Variants in ZNF543 observed in about 807,000 individuals in gnomAD.
The protein encoded by ZNF543 is zinc finger protein 543.
Under a neutral mutation model 13.4 loss-of-function variants are expected in ZNF543, and 10 were observed. The ratio of observed to expected loss-of-function variants is 0.75; its 90% CI spans 0.46 to 1.26. ZNF543 has a LOEUF of 1.26. ZNF543 is among the 50% of genes most tolerant of loss of function. The probability of loss-of-function intolerance (pLI) is 0.00; values close to 1 mark genes in which losing one functional copy is unlikely to be tolerated. For synonymous variants in ZNF543, 272 were observed against 264.7 expected, an observed-to-expected ratio of 1.03 and a Z score of -0.27; for missense variants, 768 against 741.2, an observed-to-expected ratio of 1.04 and a Z score of -0.42.
chr19:57,327,677 C>G (rs2088130934), intron 3 of ZNF543, 27 bp from the exon 4 acceptor site: 3 of 1,569,316 alleles, frequency 1.9e-6, no homozygotes, highest in African/African-American at 1.4e-5. Context: ...CTCTAATAAG[C>G]CTTTTTGTGT....
At chr19:57,322,892 T>C (rs1179177864) in intron 1 of ZNF543, among the ~76,000 whole-genome samples, 1 of 152,096 alleles carries the variant, frequency 6.6e-6, no homozygotes, top group African/African-American at 2.4e-5. Flanking sequence ...CAGGCTTGTG[T>C]TGATTTCAGG....
intron 1 of ZNF543, among the ~76,000 whole-genome samples, chr19:57,321,465 G>T (rs528321759): frequency 2.2e-4 from 34 of 152,354 alleles, no homozygotes; most frequent in African/African-American, 7.7e-4. Flanking sequence ...AAAGAAGCTT[G>T]CCGTTTGAGT....
rs2088157245 is a variant in ZNF543 at position 57,330,597 on chromosome 19, T to C, written c.*1332T>C. ...GCCGGCATGCATATATGTAGGGATG[T>C]GTGACTTTCACAGTTGTCACCATGG... On this transcript the variant is annotated 3_prime_UTR_variant, in exon 4 of 4. Transcript: ENST00000321545. 6.6e-6 allele frequency: 1 copy of C among 152,212 alleles called. No homozygotes were observed. Among genetic ancestry groups the C allele is most frequent in the Non-Finnish European group, 1.5e-5 (1 of 68,044 alleles). The allele number at this position is 152,212 out of a possible 1,614,324, so 9.4% of individuals were successfully genotyped here. A position where few individuals can be genotyped will look rare whatever the true frequency, so the allele number is the denominator to read the frequency against.
chr19:57,328,655 T>A lies in ZNF543; in HGVS notation c.1193T>A (p.Met398Lys). The A allele has an allele frequency of 6.2e-7, 1 of 1,613,668 alleles. No homozygotes were observed. The highest frequency in any genetic ancestry group is 8.5e-7 in the Non-Finnish European group (1 of 1,179,898). Residue 398 changes from methionine to lysine, a missense_variant, in exon 4 of 4, where the codon ATG (methionine) becomes AAG (lysine). Transcript: ENST00000321545. ...IHTGEKPYKC[M>K]ECGKAFNRRS... ...ACTGGGGAGAAGCCCTATAAGTGCA[T>A]GGAGTGTGGGAAGGCGTTCAACCGT... is the stretch of plus-strand genomic sequence containing the variant.
At chr19:57,322,785 G>T (rs1015531228) in intron 1 of ZNF543, among the ~76,000 whole-genome samples, 1 of 152,138 alleles carries the variant, frequency 6.6e-6, no homozygotes, top group African/African-American at 2.4e-5. Flanking sequence ...CTTTTCTTCA[G>T]ATCTTTTGAC....
Position 57,328,766 on chromosome 19 carries a change from G to A in ZNF543, c.1304G>A (p.Cys435Tyr), listed in dbSNP as rs1283053871. The A allele has an allele frequency of 1.2e-6, 2 of 1,614,132 alleles. No individual in the cohort carries two copies. Among genetic ancestry groups the A allele is most frequent in the South Asian group, 1.1e-5 (1 of 91,082 alleles). ...GAATGTGGAAAGGCCTTCACCCACT[G>A]CTCCACTTTTGTCTTGCATAAAAGG... ...CSECGKAFTHCSTFVLHKRTH... is the reference protein window; with the variant it reads ...CSECGKAFTHYSTFVLHKRTH... Residue 435 changes from cysteine to tyrosine, a missense_variant, in exon 4 of 4, where the codon TGC (cysteine) becomes TAC (tyrosine). Physicochemically the swap from Cys to Tyr is radical, Grantham distance 194. Transcript: ENST00000321545.
At position 57,322,456 on chromosome 19, in the gene ZNF543, C is replaced by G. The variant is rs1389866008; in HGVS notation, c.19-1226C>G. Among the ~76,000 whole-genome samples the G allele has an allele frequency of 2.7e-5, 4 of 146,784 alleles. No individual in the cohort carries two copies. The Admixed American group carries it at 2.8e-4, about 10-fold the overall frequency. ...GGAGGATCATGAGTTCAAGCCCAAC[C>G]TGGGCAAAATATTGAGACCCTGTCT... On this transcript the variant is annotated intron_variant, in intron 1 of 3. Transcript: ENST00000321545.
In ZNF543 at chr19:57,329,574, G is replaced by A. The variant is rs1232621039; in HGVS notation, c.*309G>A. On this transcript the variant is annotated 3_prime_UTR_variant, in exon 4 of 4. Coordinates refer to ENST00000321545, the MANE Select transcript of ZNF543 (RefSeq NM_213598.4). Reference sequence around the variant, plus strand: ...GTCGCCCAGGCTGGAGTGCAGTGGCGGGATCTCGGCTCACTGCAAGCTCCG... The same window carrying A: ...GTCGCCCAGGCTGGAGTGCAGTGGCAGGATCTCGGCTCACTGCAAGCTCCG... The A allele has an allele frequency of 5.3e-5, 11 of 209,378 alleles. No individual in the cohort carries two copies. The highest frequency in any genetic ancestry group is 4.5e-4 in the East Asian group (4 of 8,896). The allele number at this position is 209,378 out of a possible 1,614,324, so 13.0% of individuals were successfully genotyped here.
intron 2 of ZNF543, among the ~76,000 whole-genome samples, chr19:57,325,858 C>T (rs886481792): frequency 1.6e-4 from 25 of 152,266 alleles, no homozygotes; most frequent in African/African-American, 5.5e-4. Flanking sequence ...TAGGCAGGTT[C>T]CCTCACAGAA....
chr19:57,320,735 GGAAACTGAGGCTCCGAGTGC>G lies in ZNF543; in HGVS notation c.-114_-95del. On this transcript the variant is annotated 5_prime_UTR_variant, in exon 1 of 4. Transcript: ENST00000321545. ...CCGCTTTGTGCGCATTTTTCTCTGGGGAAACTGAGGCTCCGAGTGCGAAAGTCAGCCGAGGTCGCCCCGCC... is the reference window on the plus strand; with the variant it reads ...CCGCTTTGTGCGCATTTTTCTCTGGGGAAAGTCAGCCGAGGTCGCCCCGCC... 7.7e-7 allele frequency: 1 copy of G among 1,294,932 alleles called. No individual in the cohort carries two copies. The allele number at this position is 1,294,932 out of a possible 1,614,324, so 80.2% of individuals were successfully genotyped here.
Position 57,323,760 on chromosome 19 carries a change from T to G in ZNF543, c.97T>G (p.Leu33Val). Reference protein sequence around the residue: ...WGQLDAAQRTLYQEVMLETCG... With the variant: ...WGQLDAAQRTVYQEVMLETCG... Reference sequence around the variant, plus strand: ...ACAGTTGGATGCAGCCCAGAGAACCTTGTATCAGGAGGTGATGCTGGAGAC... The same window carrying G: ...ACAGTTGGATGCAGCCCAGAGAACCGTGTATCAGGAGGTGATGCTGGAGAC... Residue 33 changes from leucine (L) to valine (V), a missense_variant, in exon 2 of 4, where the codon TTG becomes GTG. Transcript: ENST00000321545. 1 of 1,613,624 alleles carries G rather than the reference T, an allele frequency of 6.2e-7. No homozygotes were observed. Among genetic ancestry groups the G allele is most frequent in the Non-Finnish European group, 8.5e-7 (1 of 1,179,656 alleles).
rs1416551880 is a variant in ZNF543, at chr19:57,328,131, A to G, written c.669A>G (p.Gln223=). The part of the protein sequence containing the change: ...LLVQHERIHT[Q]VKPYECTECG... ...TTCAGCATGAACGGATTCACACTCA[A>G]GTGAAGCCCTATGAATGCACAGAGT... The change falls in exon 4 of 4, where the codon CAA becomes CAG. Residue 223 remains glutamine, a synonymous_variant. Transcript: ENST00000321545. 3.1e-6 allele frequency: 5 copies of G among 1,614,218 alleles called. No individual in the cohort carries two copies. Among genetic ancestry groups the G allele is most frequent in the East Asian group, 2.2e-5 (1 of 44,888 alleles).
chr19:57,327,889 C>T lies in ZNF543; in HGVS notation c.427C>T (p.Arg143Trp), dbSNP rs145613506. 642 of 1,614,086 alleles carry T rather than the reference C, an allele frequency of 4.0e-4. 6 individuals carry two copies. The South Asian group carries it at 4.1e-3, about 10-fold the overall frequency. Residue 143 changes from arginine to tryptophan, a missense_variant, in exon 4 of 4, where the codon CGG (arginine) becomes TGG (tryptophan). Physicochemically the swap from Arg to Trp is moderately radical, Grantham distance 101. Coordinates refer to ENST00000321545, the MANE Select transcript of ZNF543 (RefSeq NM_213598.4). ...CTTGAAAATAGGGATAGGCCCCCAG[C>T]GGGGGAAGCTGCTGGAGAAAATGAG... Reference protein sequence around the residue: ...VHLKIGIGPQRGKLLEKMSSE... With the variant: ...VHLKIGIGPQWGKLLEKMSSE...
rs1173526245 is a variant in ZNF543 at position 57,320,626 on chromosome 19, T to C, written c.-228T>C. 7.3e-6 allele frequency: 4 copies of C among 548,384 alleles called. No individual in the cohort carries two copies. The East Asian group carries it at 1.3e-4, about 18-fold the overall frequency. The allele number at this position is 548,384 out of a possible 1,614,324, so 34.0% of individuals were successfully genotyped here. On this transcript the variant is annotated 5_prime_UTR_variant, in exon 1 of 4. Transcript: ENST00000321545. The stretch of plus-strand genomic sequence containing the variant: ...TGGCGGGAGCCTGACGCCCCGCTTC[T>C]TCCCTAACGGGGTGTTCCACCGGCG...
chr19:57,326,760 A>ACAG, intron 3 of ZNF543, 32 bp downstream of exon 3: 1 of 1,569,408 alleles, frequency 6.4e-7, no homozygotes, highest in Non-Finnish European at 8.8e-7. Context: ...GGTGGGGGTC[A>ACAG]TGGCAGCTTA....
intron 2 of ZNF543, among the ~76,000 whole-genome samples, chr19:57,325,884 A>C (rs1376516674): frequency 6.6e-6 from 1 of 152,196 alleles, no homozygotes; most frequent in Non-Finnish European, 1.5e-5. Flanking sequence ...AGGATGCTGC[A>C]TGGCAGCAGG....
intron 3 of ZNF543, 71 bp from the exon 4 acceptor site, chr19:57,327,633 C>T (rs986702912): frequency 4.0e-5 from 61 of 1,521,106 alleles, no homozygotes; most frequent in Non-Finnish European, 5.2e-5. Flanking sequence ...GTATGAATCA[C>T]TGTCCCTGGC....
In ZNF543 at chr19:57,329,255, AT is replaced by A. The variant is rs1409420958; in HGVS notation, c.1794del (p.Leu599CysfsTer40). ...TTTTTGAATATCACCACTGAAGAAA[AT>A]CTGTGGTGAAAGGGAACATCTTACC... Reference protein sequence around the residue: ...KEFLNITTEENLW With the variant: ...KEFLNITTEEXLW On this transcript the variant is annotated frameshift_variant, in exon 4 of 4. Coordinates refer to ENST00000321545, the MANE Select transcript of ZNF543 (RefSeq NM_213598.4). LOFTEE classifies it high-confidence loss of function. 6.2e-7 allele frequency: 1 copy of A among 1,600,346 alleles called. No homozygotes were observed. The highest frequency in any genetic ancestry group is 8.5e-7 in the Non-Finnish European group (1 of 1,172,420).
At chr19:57,325,632 A>G (rs529065666) in intron 2 of ZNF543, among the ~76,000 whole-genome samples, 18 of 152,248 alleles carry the variant, frequency 1.2e-4, no homozygotes, top group African/African-American at 4.1e-4. Context: ...AGCTCACTGC[A>G]GCCTCACCTT....
Sources: gnomAD v4.1 joint callset for allele counts (sites outside exome capture counted in the v4.1 genomes callset) on GRCh38, gnomAD v4.1.1 for gene constraint, MANE v1.5 for transcripts, NCBI Gene and HGNC (gene_info 2026-07-23, HGNC 2026-07-21) for gene names.